The following SHLD1 variants were observed in gnomAD, a reference collection of about 807,000 sequenced individuals.
SHLD1 encodes shieldin complex subunit 1, also known as RINN1-REV7-interacting novel NHEJ regulator 3.
A neutral mutation model predicts 5.5 loss-of-function variants in SHLD1; 3 were observed. The ratio of observed to expected loss-of-function variants is 0.54; its 90% CI spans 0.25 to 1.40. The LOEUF (loss-of-function observed/expected upper bound fraction) is 1.40. Among genes scored for constraint, SHLD1 ranks in the 40% most tolerant of loss-of-function variants. The pLI is 0.15. For synonymous variants in SHLD1, 92 were observed against 94.3 expected (o/e 0.98, Z 0.14); for missense variants, 210 against 244.4 (o/e 0.86, Z 0.94).
At chr20:5,817,732 T>C (rs1281328206) in intron 2 of SHLD1, among the ~76,000 whole-genome samples, 1 of 152,176 alleles carries the variant, frequency 6.6e-6, no homozygotes, top group Non-Finnish European at 1.5e-5. Context: ...GTGTTCACTG[T>C]GAAATACTCA....
chr20:5,847,360 G>A (rs1249811461), intron 2 of SHLD1, among the ~76,000 whole-genome samples: 1 of 152,154 alleles, frequency 6.6e-6, no homozygotes, highest in Non-Finnish European at 1.5e-5. Flanking sequence ...GTAGTGATAA[G>A]CCGATGCCGT....
At chr20:5,750,626 C>T (rs570492564) in intron 1 of SHLD1, 147 bp downstream of exon 1, 2 of 152,202 alleles carry the variant, frequency 1.3e-5, no homozygotes, top group Middle Eastern at 3.4e-3. Flanking sequence ...CCCTTCCGCC[C>T]CAACACACGG....
intron 2 of SHLD1, among the ~76,000 whole-genome samples, chr20:5,850,880 G>T (rs540621614): frequency 3.8e-4 from 58 of 152,264 alleles, no homozygotes; most frequent in South Asian, 3.5e-3. Flanking sequence ...ATCCTTCACT[G>T]AGCTGAACCT....
intron 2 of SHLD1, among the ~76,000 whole-genome samples, chr20:5,857,403 C>T (rs1489325032): frequency 6.6e-6 from 1 of 152,140 alleles, no homozygotes; most frequent in East Asian, 1.9e-4. Flanking sequence ...TAGGAGTGTG[C>T]CATGCAGGGC....
At chr20:5,819,370 T>G (rs1282720489) in intron 2 of SHLD1, among the ~76,000 whole-genome samples, 1 of 152,228 alleles carries the variant, frequency 6.6e-6, no homozygotes. Flanking sequence ...TACCCTTATC[T>G]GTTATTTCTC....
chr20:5,843,043 G>C (rs1369414401), intron 2 of SHLD1, among the ~76,000 whole-genome samples: 1 of 152,126 alleles, frequency 6.6e-6, no homozygotes, highest in East Asian at 1.9e-4. Context: ...ACTCGGTAAA[G>C]GTAGATTTGT....
intron 2 of SHLD1, among the ~76,000 whole-genome samples, chr20:5,803,978 T>C (rs139851299): frequency 6.6e-6 from 1 of 151,208 alleles, no homozygotes. Context: ...GCCCCTTCGA[T>C]CATTAAGGAA....
intron 2 of SHLD1, among the ~76,000 whole-genome samples, chr20:5,794,776 A>G (rs2087187761): frequency 6.6e-6 from 1 of 152,206 alleles, no homozygotes; most frequent in Non-Finnish European, 1.5e-5. Flanking sequence ...TATGTTTATT[A>G]GACGTCTAAT....
intron 2 of SHLD1, among the ~76,000 whole-genome samples, chr20:5,857,838 G>A (rs1048589275): frequency 2.6e-5 from 4 of 151,666 alleles, no homozygotes; most frequent in Non-Finnish European, 5.9e-5. Flanking sequence ...CCTGGCTCAC[G>A]CCTGTAATTC....
intron 2 of SHLD1, among the ~76,000 whole-genome samples, chr20:5,814,227 A>C (rs2087498685): frequency 6.6e-6 from 1 of 151,946 alleles, no homozygotes; most frequent in Non-Finnish European, 1.5e-5. Flanking sequence ...AAGTGCTGGG[A>C]TTATAGGCAT....
chr20:5,817,432 C>CTCTCTCTCTCTCTCTCTCTG (rs1473391202), intron 2 of SHLD1, among the ~76,000 whole-genome samples: 4 of 85,666 alleles, frequency 4.7e-5, no homozygotes, highest in African/African-American at 5.6e-5. Context: ...CTCTCTCTCT[C>CTCTCTCTCTCTCTCTCTCTG]TGTGTGTGTG....
chr20:5,850,054 G>T (rs1490917627), intron 2 of SHLD1, among the ~76,000 whole-genome samples: 1 of 148,996 alleles, frequency 6.7e-6, no homozygotes, highest in Non-Finnish European at 1.5e-5. Flanking sequence ...CGGAGCAGGA[G>T]GATCACCTGA....
chr20:5,833,882 T>G (rs1343420458), intron 2 of SHLD1, among the ~76,000 whole-genome samples: 3 of 152,152 alleles, frequency 2.0e-5, no homozygotes, highest in Non-Finnish European at 4.4e-5. Context: ...ATCTTTGTCA[T>G]TTCCATTTGC....
intron 2 of SHLD1, among the ~76,000 whole-genome samples, chr20:5,840,970 C>T (rs1256144517): frequency 2.0e-5 from 3 of 151,990 alleles, no homozygotes; most frequent in Admixed American, 1.3e-4. Context: ...ACACCTACAA[C>T]CATAAATAAA....
intron 1 of SHLD1, chr20:5,771,863 CTTTTTT>C (rs34145480): frequency 8.8e-5 from 7 of 79,392 alleles, no homozygotes; most frequent in Admixed American, 4.2e-4. Flanking sequence ...GAACTTTTAC[CTTTTTT>C]TTTTTTTTTT....
rs73894057 is a variant in SHLD1, at chr20:5,833,922, A to G, written c.179-29102A>G. The stretch of plus-strand genomic sequence containing the variant: ...ACGCTTAGCCTACATTCAGTTACCT[A>G]AAGTGGTCCTATAGCCCTCTCTTCT... On this transcript the variant is annotated intron_variant, in intron 2 of 2. Coordinates refer to ENST00000303142, the MANE Select transcript of SHLD1 (RefSeq NM_152504.4). Among the ~76,000 whole-genome samples the G allele has an allele frequency of 2.0e-3, 305 of 152,304 alleles. 1 individual carries two copies. The highest frequency in any genetic ancestry group is 7.0e-3 in the African/African-American group (293 of 41,564).
chr20:5,769,106 T>C (rs940021859), intron 1 of SHLD1, among the ~76,000 whole-genome samples: 32 of 152,084 alleles, frequency 2.1e-4, no homozygotes, highest in African/African-American at 6.5e-4. Flanking sequence ...TGGGTCTTGC[T>C]ATGTTGCCCA....
At chr20:5,835,943 A>C (rs1003093039) in intron 2 of SHLD1, among the ~76,000 whole-genome samples, 1 of 152,218 alleles carries the variant, frequency 6.6e-6, no homozygotes, top group Non-Finnish European at 1.5e-5. Flanking sequence ...TGGATTCTCC[A>C]TTCATGCCTC....
intron 2 of SHLD1, among the ~76,000 whole-genome samples, chr20:5,862,342 G>A (rs2088174325): frequency 6.6e-6 from 1 of 152,250 alleles, no homozygotes; most frequent in African/African-American, 2.4e-5. Flanking sequence ...AGGCTGAGCA[G>A]TGAGCCAAGG....
Sources: allele counts gnomAD v4.1 joint callset (sites outside exome capture counted in the v4.1 genomes callset), GRCh38; gene constraint gnomAD v4.1.1; transcripts MANE v1.5; gene names NCBI Gene and HGNC (gene_info 2026-07-23, HGNC 2026-07-21).